PCNX2: variants seen among roughly 807,000 people sequenced by gnomAD.
PCNX2 encodes the protein pecanex-like protein 2.
PCNX2 carries 168 observed loss-of-function variants against 223.8 expected under a neutral mutation model. That is an observed-to-expected ratio of 0.75 (90% CI 0.66 to 0.85). The LOEUF is 0.85. PCNX2 is among the 40% of genes least tolerant of loss of function. The pLI, the probability that PCNX2 is intolerant of heterozygous loss-of-function variation, is 0.00. For missense variants in PCNX2, 2,507 were observed against 2,675.5 expected (o/e 0.94, Z 1.39); for synonymous variants, 1,006 against 1,052.6 (o/e 0.96, Z 0.86).
chr1:233,294,940 G>A (rs1442288079), intron 1 of PCNX2, among the ~76,000 whole-genome samples: 4 of 152,028 alleles, frequency 2.6e-5, no homozygotes, highest in Admixed American at 2.6e-4. Context: ...TTTACATTTC[G>A]TTTTTCCTCT....
Position 233,262,149 on chromosome 1 carries a change from G to C in PCNX2, c.376C>G (p.His126Asp), listed in dbSNP as rs759519439. ...CTGGCCTCTTCCTTTTTGCCATTGT[G>C]AATCTGCCTATTATTGCTAACCCAA... Reference protein sequence around the residue: ...HRNPSNNRQIHNGKKEEASRN... With the variant: ...HRNPSNNRQIDNGKKEEASRN... The change falls in exon 3 of 34, where the codon CAC becomes GAC. Residue 126 changes from histidine to aspartate, a missense_variant. Physicochemically the swap from His to Asp is moderately conservative, Grantham distance 81 (BLOSUM62 -1). Transcript: ENST00000258229. 1.2e-6 allele frequency: 2 copies of C among 1,613,742 alleles called. No homozygotes were observed. Among genetic ancestry groups the C allele is most frequent in the Non-Finnish European group, 1.7e-6 (2 of 1,179,742 alleles).
chr1:233,288,717 G>A (rs1220344217), intron 1 of PCNX2, among the ~76,000 whole-genome samples: 2 of 151,530 alleles, frequency 1.3e-5, no homozygotes, highest in African/African-American at 4.9e-5. Context: ...AAAATTGAGA[G>A]ACAACTGCAT....
intron 17 of PCNX2, among the ~76,000 whole-genome samples, chr1:233,163,148 G>GC (rs35756173): frequency 0.67 from 101,959 of 151,780 alleles, 34,374 homozygotes; most frequent in South Asian, 0.74. Context: ...TTTCTAAATA[G>GC]TTATTGAGAT....
chr1:232,986,124 G>A lies in PCNX2; in HGVS notation c.6208C>T (p.Pro2070Ser). 1 of 1,568,042 alleles carries A rather than the reference G, an allele frequency of 6.4e-7. No homozygotes were observed. Among genetic ancestry groups the A allele is most frequent in the Non-Finnish European group, 8.7e-7 (1 of 1,155,752 alleles). The change falls in exon 33 of 34, where the codon CCC (proline) becomes TCC (serine). Residue 2070 changes from proline to serine, a missense_variant. By Grantham distance (74) the Pro-to-Ser change is moderately conservative. Around this residue, in one of 3 missense-constraint regions of PCNX2, gnomAD observed 1,372 missense variants for 1,509.4 expected, o/e 0.91. Coordinates refer to ENST00000258229, the MANE Select transcript of PCNX2 (RefSeq NM_014801.4). ...GCCTGGCTGGCAGCCCTGGCTGAGG[G>A]GCCCATCACGATGTTGACGCTGCTG... is the stretch of plus-strand genomic sequence containing the variant. ...SSSSVNIVMG[P>S]SARAASQATR... is the part of the protein sequence containing the mutation.
chr1:233,224,509 G>A (rs1289961863), intron 10 of PCNX2, among the ~76,000 whole-genome samples: 4 of 152,188 alleles, frequency 2.6e-5, no homozygotes. Context: ...GTTACCCACT[G>A]CTTTCTTCCG....
chr1:233,135,872 C>G (rs1277449104), intron 20 of PCNX2, among the ~76,000 whole-genome samples: 1 of 152,086 alleles, frequency 6.6e-6, no homozygotes, highest in Non-Finnish European at 1.5e-5. Flanking sequence ...TAGAATGGGC[C>G]TTTTCAGTTA....
At chr1:233,162,178 T>C (rs1255302812) in intron 17 of PCNX2, among the ~76,000 whole-genome samples, 1 of 152,084 alleles carries the variant, frequency 6.6e-6, no homozygotes, top group Non-Finnish European at 1.5e-5. Flanking sequence ...TGCAGATAGA[T>C]GGAGAATGGC....
At chr1:233,079,299 C>T (rs1673244073) in intron 23 of PCNX2, among the ~76,000 whole-genome samples, 1 of 151,970 alleles carries the variant, frequency 6.6e-6, no homozygotes, top group Non-Finnish European at 1.5e-5. Flanking sequence ...CCGAGGCGAG[C>T]AGATCACGAG....
chr1:233,082,820 C>G (rs566068771), intron 23 of PCNX2, among the ~76,000 whole-genome samples: 3 of 152,254 alleles, frequency 2.0e-5, no homozygotes, highest in Admixed American at 1.3e-4. Context: ...CCTGATCAAG[C>G]CAGGTATTTG....
At chr1:233,023,213 T>C (rs1255379128) in intron 26 of PCNX2, among the ~76,000 whole-genome samples, 1 of 152,158 alleles carries the variant, frequency 6.6e-6, no homozygotes, top group Non-Finnish European at 1.5e-5. Flanking sequence ...CAAGGGACAC[T>C]CTCCTTGTTG....
chr1:233,150,357 C>T (rs1344700253), intron 19 of PCNX2, among the ~76,000 whole-genome samples: 1 of 152,194 alleles, frequency 6.6e-6, no homozygotes, highest in African/African-American at 2.4e-5. Flanking sequence ...GCATCCTACA[C>T]AGTCCCAGCA....
At chr1:233,096,489 G>C (rs1325365214) in intron 21 of PCNX2, among the ~76,000 whole-genome samples, 2 of 152,184 alleles carry the variant, frequency 1.3e-5, no homozygotes, top group East Asian at 3.9e-4. Flanking sequence ...GGGAAGGATA[G>C]AGAAGGATGG....
At chr1:233,128,327 T>C (rs776387936) in intron 21 of PCNX2, among the ~76,000 whole-genome samples, 5 of 152,120 alleles carry the variant, frequency 3.3e-5, no homozygotes, top group Non-Finnish European at 7.4e-5. Flanking sequence ...ACAATGTTTT[T>C]TTTTTGTTTT....
At chr1:233,154,488 T>C (rs1485007768) in intron 19 of PCNX2, among the ~76,000 whole-genome samples, 1 of 152,230 alleles carries the variant, frequency 6.6e-6, no homozygotes, top group Non-Finnish European at 1.5e-5. Context: ...TCCTCCAAAC[T>C]ACCCTTTACT....
At chr1:233,101,602 AATAAT>A (rs778016459) in intron 21 of PCNX2, among the ~76,000 whole-genome samples, 8 of 152,174 alleles carry the variant, frequency 5.3e-5, no homozygotes, top group Non-Finnish European at 8.8e-5. Context: ...CCATGATAAA[AATAAT>A]ATAATCAAAA....
chr1:233,018,824 G>A (rs1289651855), intron 26 of PCNX2: 5 of 985,368 alleles, frequency 5.1e-6, no homozygotes, highest in Non-Finnish European at 6.0e-6. Flanking sequence ...AGGCAGGGAT[G>A]TGTGCTCCTG....
intron 15 of PCNX2, among the ~76,000 whole-genome samples, chr1:233,185,626 G>A (rs1368649182): frequency 2.0e-5 from 3 of 152,158 alleles, no homozygotes; most frequent in Non-Finnish European, 4.4e-5. Context: ...CTATTTCAGG[G>A]CTTGTTGAAA....
chr1:233,037,722 C>A (rs552573942), intron 25 of PCNX2, among the ~76,000 whole-genome samples: 2 of 152,276 alleles, frequency 1.3e-5, no homozygotes, highest in East Asian at 3.9e-4. Flanking sequence ...TAATTTATAA[C>A]TTGTTTGATT....
chr1:233,103,312 T>G (rs1674595774), intron 21 of PCNX2, among the ~76,000 whole-genome samples: 1 of 152,170 alleles, frequency 6.6e-6, no homozygotes, highest in Non-Finnish European at 1.5e-5. Context: ...TCCTTTCAAA[T>G]GTACAATTAA....
Sources: gnomAD v4.1 joint callset for allele counts (sites outside exome capture counted in the v4.1 genomes callset) on GRCh38, gnomAD v4.1.1 for gene constraint, gnomAD v4.1.1 regional missense constraint, MANE v1.5 for transcripts, NCBI Gene and HGNC (gene_info 2026-07-23, HGNC 2026-07-21) for gene names.